Variants in A2M observed in about 807,000 individuals in gnomAD.
A2M encodes C3 and PZP-like alpha-2-macroglobulin domain-containing protein 5.
A neutral mutation model predicts 183.9 loss-of-function variants in A2M; 128 were observed. That is an observed-to-expected ratio of 0.70 (90% CI 0.60 to 0.81). The LOEUF (loss-of-function observed/expected upper bound fraction) is 0.81. Ranked by LOEUF, A2M falls within the 30% of genes least tolerant of loss-of-function variation. The probability of loss-of-function intolerance (pLI) is 0.00; values close to 1 mark genes in which losing one functional copy is unlikely to be tolerated. For synonymous variants in A2M, 592 were observed against 670.8 expected (o/e 0.88, Z 1.81); for missense variants, 1,495 against 1,787.6 (o/e 0.84, Z 2.95).
Position 9,089,215 on chromosome 12 carries a change from G to T in A2M, c.2755C>A (p.Leu919Ile). The change falls in exon 22 of 36, where the codon CTA (leucine) becomes ATA (isoleucine). Residue 919 changes from leucine to isoleucine, a missense_variant. Transcript: ENST00000318602. ...TGACTCTTACCTGATGGACAAAGTAGGGAGTTGAATGTTGTTTCCTTCTCT... is the reference window on the plus strand; with the variant it reads ...TGACTCTTACCTGATGGACAAAGTATGGAGTTGAATGTTGTTTCCTTCTCT... The part of the protein sequence containing the change: ...GLEKETTFNS[L>I]LCPSGGEVSE... 1 of 1,589,840 alleles carries T rather than the reference G, an allele frequency of 6.3e-7. No individual in the cohort carries two copies. Among genetic ancestry groups the T allele is most frequent in the Non-Finnish European group, 8.6e-7 (1 of 1,166,096 alleles).
intron 31 of A2M, among the ~76,000 whole-genome samples, chr12:9,071,611 A>C (rs1245208261): frequency 6.6e-6 from 1 of 152,102 alleles, no homozygotes; most frequent in Non-Finnish European, 1.5e-5. Context: ...ACCCTCAAGT[A>C]GGCTCTGGTG....
At position 9,079,297 on chromosome 12, in the gene A2M, A is replaced by G. The variant is rs1948837351; in HGVS notation, c.3066T>C (p.Asp1022=). 1 of 1,613,808 alleles carries G rather than the reference A, an allele frequency of 6.2e-7. No homozygotes were observed. Among genetic ancestry groups the G allele is most frequent in the Non-Finnish European group, 8.5e-7 (1 of 1,179,804 alleles). Residue 1022 remains aspartate, a synonymous_variant, in exon 25 of 36, where the codon GAT becomes GAC. Transcript: ENST00000318602. ...GCTCCCCAAAGGTGCTGTAGGAGCC[A>G]TCATAGTGTTTGTAGTTCAACTGTC... is the stretch of plus-strand genomic sequence containing the variant. ...YQRQLNYKHY[D]GSYSTFGERY... is the part of the protein sequence containing the mutation.
At position 9,077,800 on chromosome 12, in the gene A2M, A is replaced by G; in HGVS notation, c.3177T>C (p.Asp1059=). ...TGAGGGCTTGGGTAATGTGTGCTTC[A>G]TCGATGAAGATGTAGGCTCGAGCTT... The part of the protein sequence containing the change: ...FAQARAYIFI[D]EAHITQALIW... Residue 1059 remains aspartate, a synonymous_variant, in exon 26 of 36, where the codon GAT becomes GAC. Transcript: ENST00000318602. 1 of 1,614,182 alleles carries G rather than the reference A, an allele frequency of 6.2e-7. No homozygotes were observed. Among genetic ancestry groups the G allele is most frequent in the African/African-American group, 1.3e-5 (1 of 75,056 alleles).
chr12:9,075,832 T>A (rs1262258692), intron 28 of A2M, among the ~76,000 whole-genome samples: 1 of 152,218 alleles, frequency 6.6e-6, no homozygotes, highest in African/African-American at 2.4e-5. Flanking sequence ...GGATTTATTT[T>A]TCCCATGTCG....
Position 9,095,660 on chromosome 12 carries a change from G to A in A2M, c.1892C>T (p.Pro631Leu), listed in dbSNP as rs938072388. Residue 631 changes from proline (P) to leucine (L), a missense_variant, in exon 16 of 36, where the codon CCT becomes CTT. Coordinates refer to ENST00000318602, the MANE Select transcript of A2M (RefSeq NM_000014.6). ...ATTGTCCTGGTCATTCAAAGGCCCA[G>A]GGAAGCCAGTGAGGTCCTTTTCTGG... is the stretch of plus-strand genomic sequence containing the variant. ...LLPEKDLTGFPGPLNDQDNED... is the reference protein window; with the variant it reads ...LLPEKDLTGFLGPLNDQDNED... The A allele has an allele frequency of 1.6e-5, 25 of 1,612,734 alleles. No homozygotes were observed. Among genetic ancestry groups the A allele is most frequent in the Non-Finnish European group, 2.0e-5 (24 of 1,179,438 alleles).
Position 9,110,042 on chromosome 12 carries a change from G to C in A2M, c.505-7C>G. The C allele has an allele frequency of 6.3e-7, 1 of 1,599,708 alleles. No homozygotes were observed. The highest frequency in any genetic ancestry group is 8.5e-7 in the Non-Finnish European group (1 of 1,174,992). On this transcript the variant is annotated splice_region_variant and splice_polypyrimidine_tract_variant and intron_variant, in intron 5 of 35. Coordinates refer to ENST00000318602, the MANE Select transcript of A2M (RefSeq NM_000014.6). Reference sequence around the variant, plus strand: ...TGCGATTTCCTTTGGGATCCTATATGAGTAAATTAATTATAACTTACAAAA... The same window carrying C: ...TGCGATTTCCTTTGGGATCCTATATCAGTAAATTAATTATAACTTACAAAA...
At chr12:9,080,379 T>A (rs1469167652) in intron 22 of A2M, 2 of 380,444 alleles carry the variant, frequency 5.3e-6, no homozygotes, top group South Asian at 7.8e-5. Flanking sequence ...TCTTCTTCAA[T>A]GATCTTTTCA....
intron 9 of A2M, 40 bp downstream of exon 9, chr12:9,106,451 G>T: frequency 6.9e-7 from 1 of 1,441,216 alleles, no homozygotes; most frequent in Non-Finnish European, 9.7e-7. Flanking sequence ...GAAAATCAAT[G>T]CCTGTTGTGT....
Position 9,072,799 on chromosome 12 carries a change from G to C in A2M, c.3829C>G (p.Gln1277Glu). The C allele has an allele frequency of 1.2e-6, 2 of 1,614,212 alleles. No individual in the cohort carries two copies. Among genetic ancestry groups the C allele is most frequent in the African/African-American group, 1.3e-5 (1 of 75,060 alleles). Residue 1277 changes from glutamine (Q) to glutamate (E), a missense_variant, in exon 30 of 36, where the codon CAG (glutamine) becomes GAG (glutamate). Gln to Glu is a conservative substitution (Grantham distance 29). Coordinates refer to ENST00000318602, the MANE Select transcript of A2M (RefSeq NM_000014.6). ...GTCCCTGAAGACTGGATAGTCACCTGTGCAGCCTTCCCAGTCCTGGTAAAT... is the reference window on the plus strand; with the variant it reads ...GTCCCTGAAGACTGGATAGTCACCTCTGCAGCCTTCCCAGTCCTGGTAAAT... ...ATFTRTGKAA[Q>E]VTIQSSGTFS...
intron 28 of A2M, among the ~76,000 whole-genome samples, chr12:9,074,994 C>T (rs756110442): frequency 6.6e-6 from 1 of 152,252 alleles, no homozygotes; most frequent in Admixed American, 6.5e-5. Flanking sequence ...AAGCCTATGC[C>T]TATCTATGTT....
At position 9,101,169 on chromosome 12, in the gene A2M, A is replaced by G; in HGVS notation, c.1533T>C (p.His511=). The change falls in exon 13 of 36, where the codon CAT becomes CAC. Residue 511 remains histidine, a synonymous_variant. Transcript: ENST00000318602. Reference sequence around the variant, plus strand: ...TGTCTTCCTGCTTCACAAGCAGTCCATGAGTCCCAGTTCGGACAATGCCTC... The same window carrying G: ...TGTCTTCCTGCTTCACAAGCAGTCCGTGAGTCCCAGTTCGGACAATGCCTC... ...AKGGIVRTGT[H]GLLVKQEDMK... The G allele has an allele frequency of 1.3e-6, 2 of 1,561,868 alleles. No individual in the cohort carries two copies. Among genetic ancestry groups the G allele is most frequent in the Admixed American group, 1.9e-5 (1 of 52,500 alleles).
chr12:9,067,709 A>G lies in A2M; in HGVS notation c.*114T>C. On this transcript the variant is annotated 3_prime_UTR_variant, in exon 36 of 36. Transcript: ENST00000318602. ...TTGAATGAACAGGAAACAGGGAAAG[A>G]CATTGACCAGAAAAAGTGTTTATTC... 1 of 872,118 alleles carries G rather than the reference A, an allele frequency of 1.1e-6. No homozygotes were observed. 54.0% of individuals were successfully genotyped at this position (872,118 alleles called of 1,614,324 possible).
Position 9,109,421 on chromosome 12 carries a change from A to G in A2M, c.674-16T>C. ...TTGGGAAGAACTGTTGATTGGTGAT[A>G]AAGAAGGTTGGTGATTGGTTTTCAA... On this transcript the variant is annotated splice_polypyrimidine_tract_variant and intron_variant, in intron 6 of 35. Coordinates refer to ENST00000318602, the MANE Select transcript of A2M (RefSeq NM_000014.6). 6.2e-7 allele frequency: 1 copy of G among 1,600,980 alleles called. No individual in the cohort carries two copies. The highest frequency in any genetic ancestry group is 1.1e-5 in the South Asian group (1 of 90,174).
intron 21 of A2M, 110 bp downstream of exon 21, chr12:9,089,792 A>ATAGG: frequency 3.7e-6 from 3 of 803,718 alleles, no homozygotes; most frequent in Non-Finnish European, 5.2e-6. Flanking sequence ...CAAGAGAGAG[A>ATAGG]TAGGACAGAG....
At chr12:9,101,783 C>G in intron 11 of A2M, 109 bp from the exon 12 acceptor site, 1 of 877,320 alleles carries the variant, frequency 1.1e-6, no homozygotes, top group Non-Finnish European at 1.7e-6. Flanking sequence ...AGCTAGAAAT[C>G]TTTTGTTCCA....
chr12:9,067,921 G>A, intron 35 of A2M, 82 bp from the exon 36 acceptor site: 3 of 1,331,586 alleles, frequency 2.3e-6, no homozygotes, highest in South Asian at 2.5e-5. Context: ...GTTCTGGGTA[G>A]CATAGTGCCC....
chr12:9,071,352 G>T (rs1438022858), intron 31 of A2M, among the ~76,000 whole-genome samples: 1 of 151,924 alleles, frequency 6.6e-6, no homozygotes, highest in Non-Finnish European at 1.5e-5. Flanking sequence ...CTAGCGTCTT[G>T]TCCCCGAGAG....
At chr12:9,072,230 A>G in intron 31 of A2M, 129 bp downstream of exon 31, 1 of 1,084,422 alleles carries the variant, frequency 9.2e-7, no homozygotes, top group Non-Finnish European at 1.3e-6. Context: ...TATCAACTTA[A>G]GAGAATACAT....
At chr12:9,088,527 A>T (rs891512805) in intron 22 of A2M, among the ~76,000 whole-genome samples, 2 of 152,178 alleles carry the variant, frequency 1.3e-5, no homozygotes, top group Admixed American at 6.5e-5. Flanking sequence ...CAACAGATGA[A>T]TAGATAAAGT....
Sources: gnomAD v4.1 joint callset for allele counts (sites outside exome capture counted in the v4.1 genomes callset) on GRCh38, gnomAD v4.1.1 for gene constraint, MANE v1.5 for transcripts, NCBI Gene and HGNC (gene_info 2026-07-23, HGNC 2026-07-21) for gene names.